ATG14: variants seen among roughly 807,000 people sequenced by gnomAD.
The protein encoded by ATG14 is autophagy related 14, also known as beclin 1-associated autophagy-related key regulator.
ATG14 carries 35 observed loss-of-function variants against 60.4 expected under a neutral mutation model. That is an observed-to-expected ratio of 0.58 (90% confidence interval 0.44 to 0.77). The LOEUF (loss-of-function observed/expected upper bound fraction) is 0.77, where lower values mean the gene tolerates loss of function less well. Among genes scored for constraint, ATG14 ranks in the 30% least tolerant of loss-of-function variants. The pLI is 0.00. For missense variants in ATG14, 647 were observed against 626.3 expected (o/e 1.03, Z -0.35); for synonymous variants, 234 against 228.8 (o/e 1.02, Z -0.21).
intron 5 of ATG14, among the ~76,000 whole-genome samples, chr14:55,383,095 C>G (rs1202934731): frequency 6.6e-6 from 1 of 152,198 alleles, no homozygotes; most frequent in East Asian, 1.9e-4. Flanking sequence ...CTCAGTCTCT[C>G]AAGTGCTTTT....
Position 55,369,600 on chromosome 14 carries a change from A to G in ATG14, c.*19T>C. Reference sequence around the variant, plus strand: ...AGAACTTTCTTGATGCAGATTTGGTATGTTTTGGTCCATGCTCGTTAACGG... The same window carrying G: ...AGAACTTTCTTGATGCAGATTTGGTGTGTTTTGGTCCATGCTCGTTAACGG... On this transcript the variant is annotated 3_prime_UTR_variant, in exon 10 of 10. Transcript: ENST00000247178. The G allele has an allele frequency of 6.8e-7, 1 of 1,474,052 alleles. No individual in the cohort carries two copies. 91.3% of individuals were successfully genotyped at this position (1,474,052 alleles called of 1,614,324 possible).
At chr14:55,404,013 A>G (rs186807978) in intron 1 of ATG14, among the ~76,000 whole-genome samples, 6 of 152,344 alleles carry the variant, frequency 3.9e-5, no homozygotes, top group East Asian at 1.9e-4. Context: ...TGGGATGGAA[A>G]TGGTCACTGA....
intron 9 of ATG14, 135 bp downstream of exon 9, chr14:55,377,684 C>T (rs1351285027): frequency 8.1e-6 from 4 of 494,272 alleles, no homozygotes; most frequent in Non-Finnish European, 1.4e-5. Context: ...TTGTTTCTTT[C>T]TGTATTGGAC....
chr14:55,409,024 T>C (rs1005591849), intron 1 of ATG14, among the ~76,000 whole-genome samples: 6 of 152,214 alleles, frequency 3.9e-5, no homozygotes, highest in Admixed American at 3.3e-4. Flanking sequence ...TTGTGGCTGC[T>C]GTTTGGAGAC....
intron 2 of ATG14, 65 bp from the exon 3 acceptor site, chr14:55,396,047 G>T: frequency 7.8e-7 from 1 of 1,286,432 alleles, no homozygotes; most frequent in Non-Finnish European, 1.1e-6. Flanking sequence ...GTTCAAAAAT[G>T]TAAAATCAAA....
At chr14:55,370,328 A>G (rs540814814) in intron 9 of ATG14, among the ~76,000 whole-genome samples, 6 of 152,352 alleles carry the variant, frequency 3.9e-5, no homozygotes, top group African/African-American at 1.2e-4. Flanking sequence ...TATACTCTGG[A>G]TATTATTTAG....
Position 55,411,795 on chromosome 14 carries a change from G to C in ATG14, c.28C>G (p.Arg10Gly). ...CCGCAGCCAGGAGCCTCCAGCGCCCGGGCTCCCTTCCCACTGGGAGACGCC... is the reference window on the plus strand; with the variant it reads ...CCGCAGCCAGGAGCCTCCAGCGCCCCGGCTCCCTTCCCACTGGGAGACGCC... MASPSGKGA[R>G]ALEAPGCGPR... The change falls in exon 1 of 10, where the codon CGG (arginine) becomes GGG (glycine). Residue 10 changes from arginine (R) to glycine (G), a missense_variant. Arg to Gly is a moderately radical substitution (Grantham distance 125). Coordinates refer to ENST00000247178, the MANE Select transcript of ATG14 (RefSeq NM_014924.5). 3.1e-6 allele frequency: 5 copies of C among 1,599,736 alleles called. No individual in the cohort carries two copies. Among genetic ancestry groups the C allele is most frequent in the Non-Finnish European group, 4.3e-6 (5 of 1,173,828 alleles).
In ATG14 at chr14:55,369,736, G is replaced by T. The variant is rs778517164; in HGVS notation, c.1362C>A (p.Ser454=). 6.2e-7 allele frequency: 1 copy of T among 1,613,826 alleles called. No individual in the cohort carries two copies. The highest frequency in any genetic ancestry group is 8.5e-7 in the Non-Finnish European group (1 of 1,179,808). ...GGGACGCCTGGGTGCTCTGACTCTGGGAGACTTCCACAGACTGGGAAGGGA... is the reference window on the plus strand; with the variant it reads ...GGGACGCCTGGGTGCTCTGACTCTGTGAGACTTCCACAGACTGGGAAGGGA... ...CDIPSQSVEV[S]QSQSTQASPP... is the part of the protein sequence containing the mutation. The change falls in exon 10 of 10, where the codon TCC becomes TCA. Residue 454 remains serine (S), a synonymous_variant. Coordinates refer to ENST00000247178, the MANE Select transcript of ATG14 (RefSeq NM_014924.5).
rs925137351 is a variant in ATG14 at position 55,367,278 on chromosome 14, T to A, written c.*2341A>T. On this transcript the variant is annotated 3_prime_UTR_variant, in exon 10 of 10. Coordinates refer to ENST00000247178, the MANE Select transcript of ATG14 (RefSeq NM_014924.5). Reference sequence around the variant, plus strand: ...ACAACTCGTGAGACTAAGCTCTTACTTCTGAGGGTTTTAAGTAGCTAGACA... The same window carrying A: ...ACAACTCGTGAGACTAAGCTCTTACATCTGAGGGTTTTAAGTAGCTAGACA... 2 of 152,214 alleles carry A rather than the reference T, an allele frequency of 1.3e-5. No homozygotes were observed. Among genetic ancestry groups the A allele is most frequent in the African/African-American group, 4.8e-5 (2 of 41,452 alleles). 9.4% of individuals were successfully genotyped at this position (152,214 alleles called of 1,614,324 possible). A position where few individuals can be genotyped will look rare whatever the true frequency, so the allele number is the denominator to read the frequency against.
chr14:55,381,344 T>C (rs528675780), intron 6 of ATG14, among the ~76,000 whole-genome samples: 6 of 152,222 alleles, frequency 3.9e-5, no homozygotes, highest in Non-Finnish European at 8.8e-5. Flanking sequence ...CATTGGGGCC[T>C]TTCAGTCTCC....
intron 1 of ATG14, among the ~76,000 whole-genome samples, chr14:55,408,762 T>A (rs1885527406): frequency 6.6e-6 from 1 of 152,014 alleles, no homozygotes; most frequent in Non-Finnish European, 1.5e-5. Flanking sequence ...CAGAGCAAGA[T>A]CCTGTCTCAA....
chr14:55,388,362 G>C (rs1452175080), intron 4 of ATG14, among the ~76,000 whole-genome samples: 1 of 152,138 alleles, frequency 6.6e-6, no homozygotes, highest in African/African-American at 2.4e-5. Context: ...GCAGGTGGCA[G>C]GAAATCATCA....
chr14:55,401,972 G>C (rs1368735368), intron 1 of ATG14, among the ~76,000 whole-genome samples: 1 of 152,212 alleles, frequency 6.6e-6, no homozygotes, highest in Non-Finnish European at 1.5e-5. Context: ...TGAGGTAGTG[G>C]TTATGAATGC....
intron 3 of ATG14, chr14:55,395,001 G>C: frequency 2.2e-6 from 1 of 457,458 alleles, no homozygotes; most frequent in Non-Finnish European, 4.4e-6. Flanking sequence ...TTAGTTTCTT[G>C]TTTTCTGCAG....
rs1885474165 is a variant in ATG14, at chr14:55,405,511, T to G, written c.221+6091A>C. 3.9e-5 allele frequency among the ~76,000 whole-genome samples: 6 copies of G among 152,340 alleles called. No individual in the cohort carries two copies. The South Asian group carries it at 1.2e-3, about 32-fold the overall frequency. ...TTTGTCTCTCTTTTTAATCCACATG[T>G]GAAAATCAGTGGCTCCTAAACCAGC... On this transcript the variant is annotated intron_variant, in intron 1 of 9. Coordinates refer to ENST00000247178, the MANE Select transcript of ATG14 (RefSeq NM_014924.5).
chr14:55,369,734 T>C lies in ATG14; in HGVS notation c.1364A>G (p.Gln455Arg). The C allele has an allele frequency of 6.2e-7, 1 of 1,613,904 alleles. No homozygotes were observed. The highest frequency in any genetic ancestry group is 8.5e-7 in the Non-Finnish European group (1 of 1,179,826). Residue 455 changes from glutamine to arginine, a missense_variant, in exon 10 of 10, where the codon CAG becomes CGG. Coordinates refer to ENST00000247178, the MANE Select transcript of ATG14 (RefSeq NM_014924.5). ...DIPSQSVEVS[Q>R]SQSTQASPPI... ...TGGGGACGCCTGGGTGCTCTGACTCTGGGAGACTTCCACAGACTGGGAAGG... is the reference window on the plus strand; with the variant it reads ...TGGGGACGCCTGGGTGCTCTGACTCCGGGAGACTTCCACAGACTGGGAAGG...
At chr14:55,404,289 G>A (rs1819841873) in intron 1 of ATG14, among the ~76,000 whole-genome samples, 1 of 152,186 alleles carries the variant, frequency 6.6e-6, no homozygotes, top group Admixed American at 6.5e-5. Flanking sequence ...GACACTCACT[G>A]AAATCTCACA....
rs1025501154 is a variant in ATG14, at chr14:55,368,112, A to T, written c.*1507T>A. 1 of 152,326 alleles carries T rather than the reference A, an allele frequency of 6.6e-6. No homozygotes were observed. Among genetic ancestry groups the T allele is most frequent in the Non-Finnish European group, 1.5e-5 (1 of 67,956 alleles). 9.4% of individuals were successfully genotyped at this position (152,326 alleles called of 1,614,324 possible). ...GATTTTTTTGCAGTTATTAAAAATA[A>T]ACTACTTACATATTTGTACATAATG... On this transcript the variant is annotated 3_prime_UTR_variant, in exon 10 of 10. Transcript: ENST00000247178.
intron 6 of ATG14, among the ~76,000 whole-genome samples, chr14:55,381,669 T>C (rs1885036152): frequency 6.6e-6 from 1 of 152,240 alleles, no homozygotes; most frequent in African/African-American, 2.4e-5. Flanking sequence ...TGTTCTGTGA[T>C]TCCATTTATA....
Sources: gnomAD v4.1 joint callset for allele counts (sites outside exome capture counted in the v4.1 genomes callset) on GRCh38, gnomAD v4.1.1 for gene constraint, MANE v1.5 for transcripts, NCBI Gene and HGNC (gene_info 2026-07-23, HGNC 2026-07-21) for gene names.